The following HPSE2 variants were observed in gnomAD, a reference collection of about 807,000 sequenced individuals.
The protein encoded by HPSE2 is inactive heparanase-2.
Under a neutral mutation model 60.5 loss-of-function variants are expected in HPSE2, and 38 were observed. The ratio of observed to expected loss-of-function variants is 0.63; its 90% confidence interval spans 0.48 to 0.82. The LOEUF (loss-of-function observed/expected upper bound fraction) is 0.82. Ranked by LOEUF, HPSE2 falls within the 40% of genes least tolerant of loss-of-function variation. The probability of loss-of-function intolerance (pLI) is 0.00; values close to 1 mark genes in which losing one functional copy is unlikely to be tolerated. For missense variants in HPSE2, 713 were observed against 740.4 expected (o/e 0.96, Z 0.43); for synonymous variants, 295 against 293.2 (o/e 1.01, Z -0.06).
At chr10:98,696,293 A>T (rs1460561565) in intron 5 of HPSE2, among the ~76,000 whole-genome samples, 2 of 25,232 alleles carry the variant, frequency 7.9e-5, no homozygotes, top group East Asian at 4.9e-3. Context: ...AGGCTCCCAT[A>T]AAAAAAAAAA....
chr10:98,549,772 T>A (rs1329718816), intron 9 of HPSE2, among the ~76,000 whole-genome samples: 2 of 152,214 alleles, frequency 1.3e-5, no homozygotes, highest in Non-Finnish European at 2.9e-5. Context: ...CTTGAAACTC[T>A]CTTCCTTTCC....
At chr10:98,605,959 T>C (rs1485369779) in intron 9 of HPSE2, among the ~76,000 whole-genome samples, 1 of 152,242 alleles carries the variant, frequency 6.6e-6, no homozygotes, top group Non-Finnish European at 1.5e-5. Context: ...AAGACCTCCT[T>C]AGCCACACTT....
intron 9 of HPSE2, among the ~76,000 whole-genome samples, chr10:98,504,586 A>G (rs1942134723): frequency 6.6e-6 from 1 of 152,120 alleles, no homozygotes. Context: ...GGAGATCAAG[A>G]CCACCCTGGC....
intron 9 of HPSE2, among the ~76,000 whole-genome samples, chr10:98,537,606 A>G (rs1003836648): frequency 6.6e-6 from 1 of 152,218 alleles, no homozygotes; most frequent in African/African-American, 2.4e-5. Flanking sequence ...AGTGACCTAG[A>G]AGGCAACAGG....
intron 3 of HPSE2, among the ~76,000 whole-genome samples, chr10:98,883,209 T>TA (rs1004952576): frequency 2.1e-4 from 32 of 151,408 alleles, no homozygotes; most frequent in Admixed American, 1.9e-3. Flanking sequence ...TGGCACAATT[T>TA]AAAAAAAAAC....
At chr10:99,117,256 C>CA (rs922991199) in intron 3 of HPSE2, among the ~76,000 whole-genome samples, 5 of 148,952 alleles carry the variant, frequency 3.4e-5, no homozygotes, top group Admixed American at 6.7e-5. Flanking sequence ...GAATAAATAA[C>CA]AAAAAACCTC....
chr10:98,801,066 C>G (rs990880965), intron 3 of HPSE2, among the ~76,000 whole-genome samples: 7 of 152,148 alleles, frequency 4.6e-5, no homozygotes, highest in African/African-American at 1.7e-4. Flanking sequence ...ATATGCAAAT[C>G]AATCAATGTG....
rs1209427836 is a variant in HPSE2 at position 98,611,049 on chromosome 10, T to C, written c.1320+3855A>G. The stretch of plus-strand genomic sequence containing the variant: ...ACTCCCAAGGGAGCCCGTGACTGAC[T>C]GACCAGCTGTGGAGACTCACACGTC... On this transcript the variant is annotated intron_variant, in intron 9 of 11. Coordinates refer to ENST00000370552, the MANE Select transcript of HPSE2 (RefSeq NM_021828.5). 8.5e-5 allele frequency among the ~76,000 whole-genome samples: 13 copies of C among 152,172 alleles called. 1 individual carries two copies. The highest frequency in any genetic ancestry group is 2.4e-4 in the African/African-American group (10 of 41,410).
rs576601301 is a variant in HPSE2, at chr10:98,572,480, CA to C, written c.1320+42423del. Among the ~76,000 whole-genome samples the C allele has an allele frequency of 1.2e-4, 19 of 152,230 alleles. No homozygotes were observed. In the East Asian group the frequency reaches 3.7e-3, roughly 29 times the overall value. On this transcript the variant is annotated intron_variant, in intron 9 of 11. Coordinates refer to ENST00000370552, the MANE Select transcript of HPSE2 (RefSeq NM_021828.5). ...TTTCTCTCCTTCCTGACCTGATCCA[CA>C]CACGCTCATGTGCATTACGGATGCC...
At chr10:99,138,194 C>G (rs559313335) in intron 3 of HPSE2, among the ~76,000 whole-genome samples, 2 of 152,290 alleles carry the variant, frequency 1.3e-5, no homozygotes, top group Non-Finnish European at 2.9e-5. Flanking sequence ...CAATGGGATA[C>G]CATCTCACGC....
intron 2 of HPSE2, among the ~76,000 whole-genome samples, chr10:99,172,081 T>C (rs1457487221): frequency 6.6e-6 from 1 of 152,212 alleles, no homozygotes; most frequent in Admixed American, 6.5e-5. Flanking sequence ...GCAGGTTTGT[T>C]ACATGGATAT....
At chr10:98,535,645 G>C (rs182186315) in intron 9 of HPSE2, among the ~76,000 whole-genome samples, 1 of 152,154 alleles carries the variant, frequency 6.6e-6, no homozygotes, top group South Asian at 2.1e-4. Context: ...ATTCTTTAAA[G>C]ATAACTGAAA....
intron 3 of HPSE2, among the ~76,000 whole-genome samples, chr10:99,024,371 T>C (rs912411667): frequency 1.3e-5 from 2 of 152,122 alleles, no homozygotes; most frequent in Non-Finnish European, 2.9e-5. Flanking sequence ...TTTGCAACCC[T>C]CGGGGTATCC....
intron 3 of HPSE2, among the ~76,000 whole-genome samples, chr10:98,802,481 C>T (rs1180849760): frequency 8.6e-6 from 1 of 116,420 alleles, no homozygotes; most frequent in Admixed American, 1.0e-4. Context: ...TCCCCCCACC[C>T]CACAACAGTC....
intron 3 of HPSE2, among the ~76,000 whole-genome samples, chr10:99,073,554 G>A (rs1842865322): frequency 6.6e-6 from 1 of 152,106 alleles, no homozygotes; most frequent in African/African-American, 2.4e-5. Context: ...TGGGTTGATA[G>A]GTGCGGCAAA....
intron 9 of HPSE2, among the ~76,000 whole-genome samples, chr10:98,493,599 A>G (rs1241465369): frequency 6.6e-6 from 1 of 152,150 alleles, no homozygotes; most frequent in African/African-American, 2.4e-5. Context: ...TCTGATATTA[A>G]TAAAGCTGCC....
At chr10:98,504,945 A>T (rs1480013976) in intron 9 of HPSE2, among the ~76,000 whole-genome samples, 4 of 152,188 alleles carry the variant, frequency 2.6e-5, no homozygotes, top group Non-Finnish European at 5.9e-5. Flanking sequence ...GCTTTATAAA[A>T]ATGGTACGTA....
rs190972341 is a variant in HPSE2 at position 98,937,318 on chromosome 10, G to A, written c.611-193262C>T. On this transcript the variant is annotated intron_variant, in intron 3 of 11. Coordinates refer to ENST00000370552, the MANE Select transcript of HPSE2 (RefSeq NM_021828.5). ...CTCAGGAAGTGCAAGGAGTCGGGGA[G>A]TTCCCTTTCCTAGTCAAAGAAAGGG... 3.2e-4 allele frequency among the ~76,000 whole-genome samples: 47 copies of A among 144,738 alleles called. 6 individuals carry two copies. Among genetic ancestry groups the A allele is most frequent in the Admixed American group, 1.1e-3 (16 of 14,590 alleles). 95.0% of individuals were successfully genotyped at this position (144,738 alleles called of 152,430 possible).
rs138053221 is a variant in HPSE2 at position 98,548,494 on chromosome 10, G to A, written c.1321-58298C>T. Among the ~76,000 whole-genome samples, 1,366 of 152,236 alleles carry A rather than the reference G, an allele frequency of 9.0e-3. 14 individuals carry two copies. Among genetic ancestry groups the A allele is most frequent in the African/African-American group, 0.031 (1,300 of 41,524 alleles). On this transcript the variant is annotated intron_variant, in intron 9 of 11. Transcript: ENST00000370552. ...TAGCTGGGCGTAGTGGTGTGCACTTGTAATCCCAGCTACTTGGGAGGCTGA... is the reference window on the plus strand; with the variant it reads ...TAGCTGGGCGTAGTGGTGTGCACTTATAATCCCAGCTACTTGGGAGGCTGA...
Sources: gnomAD v4.1 joint callset for allele counts (sites outside exome capture counted in the v4.1 genomes callset) on GRCh38, gnomAD v4.1.1 for gene constraint, MANE v1.5 for transcripts, NCBI Gene and HGNC (gene_info 2026-07-23, HGNC 2026-07-21) for gene names.